The following FNBP1L variants were observed in gnomAD, a reference collection of about 807,000 sequenced individuals.
The protein encoded by FNBP1L is formin-binding protein 1-like.
FNBP1L carries 36 observed loss-of-function variants against 91.2 expected under a neutral mutation model. The ratio of observed to expected loss-of-function variants is 0.39; its 90% confidence interval spans 0.30 to 0.52. The LOEUF is 0.52. Among genes scored for constraint, FNBP1L ranks in the 20% least tolerant of loss-of-function variants. The pLI, the probability that FNBP1L is intolerant of heterozygous loss-of-function variation, is 0.66. For synonymous variants in FNBP1L, 242 were observed against 237.0 expected (o/e 1.02, Z -0.19); for missense variants, 571 against 732.1 (o/e 0.78, Z 2.54).
intron 1 of FNBP1L, among the ~76,000 whole-genome samples, chr1:93,464,738 A>G (rs1669016483): frequency 2.0e-5 from 3 of 152,208 alleles, no homozygotes; most frequent in Admixed American, 1.3e-4. Flanking sequence ...CTAATAACTT[A>G]AATACCTAGT....
chr1:93,465,016 A>G (rs1317959026), intron 1 of FNBP1L, among the ~76,000 whole-genome samples: 2 of 152,210 alleles, frequency 1.3e-5, no homozygotes, highest in African/African-American at 4.8e-5. Context: ...CTACATAAGT[A>G]GAAGTTTGAG....
intron 2 of FNBP1L, among the ~76,000 whole-genome samples, chr1:93,509,311 G>A (rs1670737414): frequency 6.6e-6 from 1 of 152,174 alleles, no homozygotes; most frequent in South Asian, 2.1e-4. Context: ...AACCTCCACA[G>A]TTGCTTCAGC....
intron 1 of FNBP1L, among the ~76,000 whole-genome samples, chr1:93,461,824 G>A (rs1668877054): frequency 6.6e-6 from 1 of 152,172 alleles, no homozygotes; most frequent in South Asian, 2.1e-4. Context: ...TTACATGGGA[G>A]TTAAGAAAAG....
chr1:93,492,270 A>C (rs1025846276), intron 1 of FNBP1L, among the ~76,000 whole-genome samples: 1 of 152,202 alleles, frequency 6.6e-6, no homozygotes, highest in Non-Finnish European at 1.5e-5. Context: ...TATGGGAACC[A>C]GTGGTGGAGG....
rs1668332091 is a variant in FNBP1L, at chr1:93,448,176, C to G, written c.-106C>G. Reference sequence around the variant, plus strand: ...CGGTGGCGGCACCTTTCGAGGTAGACCCGCTGAGCTGCTAGCCCGCCGGCC... The same window carrying G: ...CGGTGGCGGCACCTTTCGAGGTAGAGCCGCTGAGCTGCTAGCCCGCCGGCC... On this transcript the variant is annotated 5_prime_UTR_variant, in exon 1 of 17. Transcript: ENST00000271234. 4 of 1,425,812 alleles carry G rather than the reference C, an allele frequency of 2.8e-6. No homozygotes were observed. Among genetic ancestry groups the G allele is most frequent in the African/African-American group, 3.0e-5 (2 of 66,934 alleles). The allele number at this position is 1,425,812 out of a possible 1,614,324, so 88.3% of individuals were successfully genotyped here.
intron 11 of FNBP1L, 113 bp downstream of exon 11, chr1:93,541,169 G>GT: frequency 9.6e-7 from 1 of 1,042,410 alleles, no homozygotes; most frequent in Non-Finnish European, 1.4e-6. Flanking sequence ...CACCTTGTGT[G>GT]TTTTTTCTTT....
At chr1:93,551,520 A>G (rs983043586) in intron 16 of FNBP1L, 7 of 986,184 alleles carry the variant, frequency 7.1e-6, no homozygotes, top group Non-Finnish European at 8.4e-6. Flanking sequence ...CTGAAATGCT[A>G]TGGAAAGCCG....
chr1:93,551,183 C>T, intron 16 of FNBP1L, 78 bp downstream of exon 16: 1 of 1,424,334 alleles, frequency 7.0e-7, no homozygotes, highest in Non-Finnish European at 9.3e-7. Context: ...AAAATGAAAA[C>T]ACATTCAACA....
Position 93,522,134 on chromosome 1 carries a change from C to A in FNBP1L, c.193C>A (p.Arg65=). 6.7e-7 allele frequency: 1 copy of A among 1,491,948 alleles called. No individual in the cohort carries two copies. The highest frequency in any genetic ancestry group is 9.0e-7 in the Non-Finnish European group (1 of 1,116,980). The allele number at this position is 1,491,948 out of a possible 1,614,324, so 92.4% of individuals were successfully genotyped here. A position where few individuals can be genotyped will look rare whatever the true frequency, so the allele number is the denominator to read the frequency against. Residue 65 remains arginine (R), a splice_region_variant and synonymous_variant, in exon 3 of 17, where the codon CGG becomes AGG. Coordinates refer to ENST00000271234, the MANE Select transcript of FNBP1L (RefSeq NM_001164473.3). ...ACGTTCATCCAAAGATGAAGAGCCACGGTAAATTACATACCTGTTCATTAA... is the reference window on the plus strand; with the variant it reads ...ACGTTCATCCAAAGATGAAGAGCCAAGGTAAATTACATACCTGTTCATTAA... ...PKRSSKDEEP[R]FTSCVAFFNI...
chr1:93,528,310 A>T (rs563548786), intron 5 of FNBP1L, among the ~76,000 whole-genome samples: 1 of 143,956 alleles, frequency 6.9e-6, no homozygotes, highest in South Asian at 2.1e-4. Flanking sequence ...CTCCAGGGAG[A>T]AAAAACCCCA....
chr1:93,474,002 T>C (rs1000405938), intron 1 of FNBP1L, among the ~76,000 whole-genome samples: 1 of 152,186 alleles, frequency 6.6e-6, no homozygotes, highest in African/African-American at 2.4e-5. Flanking sequence ...CCTAGTACTT[T>C]GGGAGGCCGA....
At position 93,552,450 on chromosome 1, in the gene FNBP1L, A is replaced by G; in HGVS notation, c.*34A>G. ...TCTGAGGAAATGGGCAAGATGTTGA[A>G]GGAGGTTACATGCAGCTGCTTTTGG... On this transcript the variant is annotated 3_prime_UTR_variant, in exon 17 of 17. Coordinates refer to ENST00000271234, the MANE Select transcript of FNBP1L (RefSeq NM_001164473.3). 6.2e-7 allele frequency: 1 copy of G among 1,612,036 alleles called. No homozygotes were observed. The highest frequency in any genetic ancestry group is 1.1e-5 in the South Asian group (1 of 90,634).
At chr1:93,450,280 A>T (rs1668449045) in intron 1 of FNBP1L, among the ~76,000 whole-genome samples, 2 of 152,228 alleles carry the variant, frequency 1.3e-5, no homozygotes, top group Admixed American at 1.3e-4. Flanking sequence ...ATCTGAAAAG[A>T]TAAACTGTAG....
chr1:93,454,336 C>CTGTGTG (rs55899862), intron 1 of FNBP1L, among the ~76,000 whole-genome samples: 6 of 149,076 alleles, frequency 4.0e-5, no homozygotes, highest in Non-Finnish European at 8.9e-5. Context: ...ATGGGTGTGT[C>CTGTGTG]TGTGTGTGTG....
At chr1:93,532,900 TA>T in intron 7 of FNBP1L, 21 bp from the exon 8 acceptor site, 3 of 1,566,940 alleles carry the variant, frequency 1.9e-6, no homozygotes, top group Non-Finnish European at 2.6e-6. Flanking sequence ...TTTCTCTTTT[TA>T]AAAAAATTCT....
chr1:93,522,448 C>T (rs977697611), intron 3 of FNBP1L, among the ~76,000 whole-genome samples: 8 of 152,034 alleles, frequency 5.3e-5, no homozygotes, highest in African/African-American at 9.7e-5. Context: ...TTGTTGGCTT[C>T]GTAGATTCTT....
In FNBP1L at chr1:93,469,538, C is replaced by G. The variant is rs557895426; in HGVS notation, c.24+21233C>G. ...GTCTTTGTTATTGTGAATAGTGCCG[C>G]AATAAACATACGTGTGCATGTGTCT... On this transcript the variant is annotated intron_variant, in intron 1 of 16. Coordinates refer to ENST00000271234, the MANE Select transcript of FNBP1L (RefSeq NM_001164473.3). 2.0e-5 allele frequency among the ~76,000 whole-genome samples: 3 copies of G among 152,194 alleles called. No homozygotes were observed. In the East Asian group the frequency reaches 5.8e-4, roughly 29 times the overall value.
intron 2 of FNBP1L, among the ~76,000 whole-genome samples, chr1:93,509,901 G>A (rs1353392394): frequency 3.3e-5 from 5 of 152,198 alleles, no homozygotes; most frequent in African/African-American, 1.2e-4. Flanking sequence ...GCGCTTTTCC[G>A]ACAGGCTTAA....
chr1:93,525,554 T>A (rs1671465718), intron 5 of FNBP1L, among the ~76,000 whole-genome samples: 1 of 152,180 alleles, frequency 6.6e-6, no homozygotes, highest in East Asian at 1.9e-4. Context: ...TGAGTGTGTG[T>A]GTGTTTTCAT....
Sources: gnomAD v4.1 joint callset for allele counts (sites outside exome capture counted in the v4.1 genomes callset) on GRCh38, gnomAD v4.1.1 for gene constraint, MANE v1.5 for transcripts, NCBI Gene and HGNC (gene_info 2026-07-23, HGNC 2026-07-21) for gene names.